The following CLDN16 variants were observed in gnomAD, a reference collection of about 807,000 sequenced individuals.
CLDN16 encodes the protein claudin-16.
A neutral mutation model predicts 24.6 loss-of-function variants in CLDN16; 13 were observed. The observed-to-expected ratio is 0.53, with a 90% confidence interval of 0.34 to 0.84. CLDN16 has a LOEUF of 0.84. CLDN16 is among the 40% of genes least tolerant of loss of function. CLDN16 has a pLI of 0.01. For missense variants in CLDN16, 298 were observed against 292.7 expected, an observed-to-expected ratio of 1.02 and a Z score of -0.13; for synonymous variants, 116 against 106.7, an observed-to-expected ratio of 1.09 and a Z score of -0.54.
chr3:190,382,398 T>G (rs543646615), intron 3 of CLDN16, among the ~76,000 whole-genome samples: 4 of 152,236 alleles, frequency 2.6e-5, no homozygotes, highest in African/African-American at 9.6e-5. Context: ...TTGGCTTAAG[T>G]AAAACTTGAA....
At chr3:190,343,269 G>T (rs115429499) in intron 1 of CLDN16, among the ~76,000 whole-genome samples, 5,949 of 152,092 alleles carry the variant, frequency 0.039, 385 homozygotes, top group African/African-American at 0.13. Flanking sequence ...ACCACCTCAC[G>T]CCTGTTAGGA....
At chr3:190,383,620 G>A (rs1045825852), upstream of CLDN16, among the ~76,000 whole-genome samples, 3 of 152,110 alleles carry the variant, frequency 2.0e-5, no homozygotes, top group Non-Finnish European at 2.9e-5. Flanking sequence ...TGACATAAAT[G>A]TCATAGAACT....
chr3:190,342,135 C>T (rs188917160), intron 1 of CLDN16, among the ~76,000 whole-genome samples: 128 of 152,336 alleles, frequency 8.4e-4, no homozygotes, highest in African/African-American at 2.9e-3. Flanking sequence ...GCCTGTTACA[C>T]AGTTCCAAAG....
chr3:190,304,438 A>G, the CLDN16 span, among the ~76,000 whole-genome samples: 1 of 152,202 alleles, frequency 6.6e-6, no homozygotes, highest in Non-Finnish European at 1.5e-5. Context: ...TATTAATTAA[A>G]TAAATTCATA....
chr3:190,384,888 C>A (rs1718459180), upstream of CLDN16, among the ~76,000 whole-genome samples: 1 of 152,206 alleles, frequency 6.6e-6, no homozygotes, highest in African/African-American at 2.4e-5. Context: ...CCTTATTGAG[C>A]AACACACAGT....
chr3:190,374,211 A>G (rs1718200172), intron 2 of CLDN16, among the ~76,000 whole-genome samples: 1 of 151,438 alleles, frequency 6.6e-6, no homozygotes, highest in African/African-American at 2.4e-5. Flanking sequence ...TGAGTAATGG[A>G]ATCATCAATC....
chr3:190,324,666 T>C (rs1717020576), intron 1 of CLDN16, among the ~76,000 whole-genome samples: 1 of 152,100 alleles, frequency 6.6e-6, no homozygotes, highest in Non-Finnish European at 1.5e-5. Context: ...GTATTTCAGG[T>C]CTGTGCGAGG....
chr3:190,342,523 T>C (rs1327918222), intron 1 of CLDN16, among the ~76,000 whole-genome samples: 3 of 152,180 alleles, frequency 2.0e-5, no homozygotes, highest in Non-Finnish European at 4.4e-5. Flanking sequence ...GTGAAAGACC[T>C]GTCCCCTGAA....
chr3:190,394,039 C>T (rs1048250546), intron 1 of CLDN16, among the ~76,000 whole-genome samples: 1 of 152,138 alleles, frequency 6.6e-6, no homozygotes, highest in Non-Finnish European at 1.5e-5. Flanking sequence ...AGGTGTGAAC[C>T]AGCATGGCTG....
intron 4 of CLDN16, among the ~76,000 whole-genome samples, chr3:190,409,662 C>A (rs1719219756): frequency 6.6e-6 from 1 of 151,690 alleles, no homozygotes; most frequent in Non-Finnish European, 1.5e-5. Flanking sequence ...TAAGGGAATA[C>A]CTCTCCTGAT....
intron 1 of CLDN16, among the ~76,000 whole-genome samples, chr3:190,342,375 A>G (rs113705046): frequency 0.039 from 5,955 of 152,284 alleles, 387 homozygotes; most frequent in African/African-American, 0.13. Context: ...TAAAGTTGCA[A>G]GATATAAAAT....
At chr3:190,395,892 CATAGATAG>C (rs376620560) in intron 1 of CLDN16, among the ~76,000 whole-genome samples, 1 of 151,846 alleles carries the variant, frequency 6.6e-6, no homozygotes, top group Non-Finnish European at 1.5e-5. Context: ...TAGATAGATA[CATAGATAG>C]ATAGATAGAT....
upstream of CLDN16, among the ~76,000 whole-genome samples, chr3:190,321,195 C>G (rs1245283907): frequency 6.6e-6 from 1 of 152,158 alleles, no homozygotes; most frequent in African/African-American, 2.4e-5. Flanking sequence ...GCTGCATTTC[C>G]CTTCAGTGCC....
At chr3:190,324,752 A>G (rs748477941) in intron 1 of CLDN16, among the ~76,000 whole-genome samples, 15 of 152,206 alleles carry the variant, frequency 9.9e-5, no homozygotes, top group Non-Finnish European at 2.1e-4. Context: ...ATTCAGGCCC[A>G]TCTCTAGGCA....
At chr3:190,350,214 G>A (rs1007955407) in intron 1 of CLDN16, among the ~76,000 whole-genome samples, 2 of 151,950 alleles carry the variant, frequency 1.3e-5, no homozygotes, top group Non-Finnish European at 2.9e-5. Context: ...AAAAGGAACA[G>A]GTTTTTGAGA....
At chr3:190,336,869 A>G (rs1412074417) in intron 1 of CLDN16, among the ~76,000 whole-genome samples, 1 of 152,242 alleles carries the variant, frequency 6.6e-6, no homozygotes, top group African/African-American at 2.4e-5. Context: ...AACAGCAATT[A>G]TTTATAAAAT....
Position 190,404,719 on chromosome 3 carries a change from C to T in CLDN16, c.218-43C>T, listed in dbSNP as rs765535095. 3.1e-6 allele frequency: 5 copies of T among 1,602,002 alleles called. No individual in the cohort carries two copies. The Admixed American group carries it at 6.7e-5, about 21-fold the overall frequency. On this transcript the variant is annotated intron_variant, in intron 2 of 4. Coordinates refer to ENST00000264734, the MANE Select transcript of CLDN16 (RefSeq NM_006580.4). Reference sequence around the variant, plus strand: ...TATGTCTCTGTGAGTTAATATGGTTCCTTCTTCTGACTCTGCTTTAACCAT... The same window carrying T: ...TATGTCTCTGTGAGTTAATATGGTTTCTTCTTCTGACTCTGCTTTAACCAT...
intron 1 of CLDN16, among the ~76,000 whole-genome samples, chr3:190,342,389 C>T (rs531836846): frequency 1.3e-5 from 2 of 152,212 alleles, no homozygotes; most frequent in South Asian, 4.1e-4. Context: ...ATAAAATCAA[C>T]ATACAAAAAT....
At chr3:190,392,752 A>T (rs566931477) in intron 1 of CLDN16, among the ~76,000 whole-genome samples, 11 of 152,136 alleles carry the variant, frequency 7.2e-5, no homozygotes, top group African/African-American at 2.4e-4. Flanking sequence ...AGAGCGTTGT[A>T]TGTTTGCGGT....
Sources: gnomAD v4.1 joint callset for allele counts (sites outside exome capture counted in the v4.1 genomes callset) on GRCh38, gnomAD v4.1.1 for gene constraint, MANE v1.5 for transcripts, NCBI Gene and HGNC (gene_info 2026-07-23, HGNC 2026-07-21) for gene names.